RGS10: variants seen among roughly 807,000 people sequenced by gnomAD.
The protein encoded by RGS10 is regulator of G protein signaling 10, also known as regulator of G-protein signalling 10.
In RGS10, 11 loss-of-function variants were observed where a neutral mutation model predicts 23.5. That is an observed-to-expected ratio of 0.47 (90% CI 0.29 to 0.77). The LOEUF (loss-of-function observed/expected upper bound fraction) is 0.77. Among genes scored for constraint, RGS10 ranks in the 30% least tolerant of loss-of-function variants. The probability of loss-of-function intolerance (pLI) is 0.08; values close to 1 mark genes in which losing one functional copy is unlikely to be tolerated. For missense variants in RGS10, 180 were observed against 226.3 expected (o/e 0.80, Z 1.31); for synonymous variants, 77 against 83.2 (o/e 0.92, Z 0.41).
intron 3 of RGS10, chr10:119,516,469 T>G (rs1844144612): frequency 6.6e-6 from 1 of 152,178 alleles, no homozygotes; most frequent in Non-Finnish European, 1.5e-5. Context: ...CCGGGAGCCT[T>G]AGGACTGTTT....
intron 1 of RGS10, among the ~76,000 whole-genome samples, chr10:119,539,179 C>G (rs1844415466): frequency 1.3e-5 from 2 of 152,234 alleles, no homozygotes; most frequent in Non-Finnish European, 2.9e-5. Context: ...TCTGTCCCCC[C>G]AGGCCTGGGC....
Position 119,537,715 on chromosome 10 carries a change from C to T in RGS10, c.49+4875G>A, listed in dbSNP as rs754517333. Among the ~76,000 whole-genome samples, 15 of 152,272 alleles carry T rather than the reference C, an allele frequency of 9.9e-5. No homozygotes were observed. The South Asian group carries it at 1.2e-3, about 13-fold the overall frequency. On this transcript the variant is annotated intron_variant, in intron 1 of 4. Coordinates refer to ENST00000369103, the MANE Select transcript of RGS10 (RefSeq NM_001005339.2). ...AGGTGGCCGCCTGCCCACAGTGCCA[C>T]GGGCTGGTAGGCGGTTTTCTTCACT...
intron 4 of RGS10, among the ~76,000 whole-genome samples, chr10:119,505,233 C>T (rs565530944): frequency 1.5e-4 from 23 of 151,714 alleles, no homozygotes; most frequent in African/African-American, 5.1e-4. Flanking sequence ...GTGGAAGACA[C>T]GGGAACAGAG....
At chr10:119,534,804 T>C (rs907555244) in intron 1 of RGS10, among the ~76,000 whole-genome samples, 1 of 151,130 alleles carries the variant, frequency 6.6e-6, no homozygotes, top group Non-Finnish European at 1.5e-5. Flanking sequence ...GCAGGAGGAT[T>C]GCTTGAACCT....
At chr10:119,510,525 A>T (rs987542293) in intron 4 of RGS10, among the ~76,000 whole-genome samples, 1 of 152,086 alleles carries the variant, frequency 6.6e-6, no homozygotes, top group African/African-American at 2.4e-5. Flanking sequence ...TTTCCTTCTT[A>T]GCATTGATCT....
At chr10:119,506,058 C>T (rs976114821) in intron 4 of RGS10, among the ~76,000 whole-genome samples, 1 of 152,202 alleles carries the variant, frequency 6.6e-6, no homozygotes, top group Non-Finnish European at 1.5e-5. Flanking sequence ...CCTCTCTTCA[C>T]ACACATGGAC....
intron 4 of RGS10, among the ~76,000 whole-genome samples, chr10:119,509,125 C>T (rs893296591): frequency 2.6e-5 from 4 of 151,932 alleles, no homozygotes; most frequent in African/African-American, 9.7e-5. Context: ...AGGCAGGGCG[C>T]AGTGGTTCAT....
intron 4 of RGS10, among the ~76,000 whole-genome samples, chr10:119,514,818 C>G (rs965732674): frequency 6.6e-6 from 1 of 152,094 alleles, no homozygotes; most frequent in African/African-American, 2.4e-5. Flanking sequence ...TTCTGAGGTC[C>G]AGGGTGGGGT....
intron 1 of RGS10, among the ~76,000 whole-genome samples, chr10:119,539,405 G>A (rs1844417599): frequency 6.6e-6 from 1 of 152,246 alleles, no homozygotes; most frequent in Admixed American, 6.5e-5. Context: ...GAATTCCCCT[G>A]AGAGGTCACC....
intron 4 of RGS10, among the ~76,000 whole-genome samples, chr10:119,500,813 G>C (rs1380626698): frequency 6.6e-6 from 1 of 151,712 alleles, no homozygotes; most frequent in African/African-American, 2.4e-5. Context: ...TCTTAGCAAG[G>C]GAACAGGTCC....
chr10:119,512,261 G>C (rs1304650193), intron 4 of RGS10, among the ~76,000 whole-genome samples: 1 of 152,162 alleles, frequency 6.6e-6, no homozygotes, highest in Non-Finnish European at 1.5e-5. Context: ...AAAGTTCCGT[G>C]AAATCTTGTG....
intron 1 of RGS10, among the ~76,000 whole-genome samples, chr10:119,539,687 G>A (rs1277860512): frequency 6.6e-6 from 1 of 152,156 alleles, no homozygotes; most frequent in Admixed American, 6.5e-5. Context: ...CAGGACGGGT[G>A]GAACACACTT....
At position 119,527,737 on chromosome 10, in the gene RGS10, C is replaced by T. The variant is rs939086577; in HGVS notation, c.50-313G>A. The stretch of plus-strand genomic sequence containing the variant: ...GCCAATTCAGAGGCAGCCCTCAAGT[C>T]ACACTCAAACCCTCCTCCAAGAGAA... On this transcript the variant is annotated intron_variant, in intron 1 of 4. Transcript: ENST00000369103. This position sits in a 1 kb window ranked among gnomAD's most constrained non-coding sequence, Gnocchi z 4.2. Among the ~76,000 whole-genome samples, 15 of 152,146 alleles carry T rather than the reference C, an allele frequency of 9.9e-5. No individual in the cohort carries two copies. Among genetic ancestry groups the T allele is most frequent in the Non-Finnish European group, 1.6e-4 (11 of 68,034 alleles).
At chr10:119,526,418 A>G (rs11198999) in intron 2 of RGS10, among the ~76,000 whole-genome samples, 52,915 of 152,200 alleles carry the variant, frequency 0.35, 9,663 homozygotes, top group East Asian at 0.59. Flanking sequence ...TGGAAGATAT[A>G]TTGGTTCCTT....
chr10:119,508,411 C>T (rs1039884073), intron 4 of RGS10, among the ~76,000 whole-genome samples: 4 of 152,180 alleles, frequency 2.6e-5, no homozygotes, highest in African/African-American at 7.2e-5. Flanking sequence ...GAGAAAGCCA[C>T]GAAGCTGCCA....
At chr10:119,515,396 G>GAAA in intron 4 of RGS10, 113 bp downstream of exon 4, 1 of 1,306,060 alleles carries the variant, frequency 7.7e-7, no homozygotes. Flanking sequence ...GGTCTGCCCG[G>GAAA]CCGTATGAGA....
chr10:119,536,548 C>T, intron 1 of RGS10: 1 of 1,585,054 alleles, frequency 6.3e-7, no homozygotes, highest in Non-Finnish European at 8.6e-7. Flanking sequence ...GTGAGAAAGG[C>T]AGAGACTGGA....
intron 4 of RGS10, among the ~76,000 whole-genome samples, chr10:119,515,168 G>A (rs17098959): frequency 0.14 from 22,014 of 152,024 alleles, 1,814 homozygotes; most frequent in South Asian, 0.3. Flanking sequence ...GGAGTTTTCC[G>A]TCTATTCTTA....
At chr10:119,505,698 G>A (rs931605628) in intron 4 of RGS10, among the ~76,000 whole-genome samples, 3 of 152,136 alleles carry the variant, frequency 2.0e-5, no homozygotes, top group South Asian at 2.1e-4. Context: ...TCCCCCTGAC[G>A]CATACTCATC....
Sources: gnomAD v4.1 joint callset for allele counts (sites outside exome capture counted in the v4.1 genomes callset) on GRCh38, gnomAD v4.1.1 for gene constraint, Gnocchi (gnomAD v3.1) non-coding constraint, MANE v1.5 for transcripts, NCBI Gene and HGNC (gene_info 2026-07-23, HGNC 2026-07-21) for gene names.